The following SEC24C variants were observed in gnomAD, a reference collection of about 807,000 sequenced individuals.
SEC24C encodes the protein protein transport protein Sec24C.
Under a neutral mutation model 117.0 loss-of-function variants are expected in SEC24C, and 22 were observed. That is an observed-to-expected ratio of 0.19 (90% CI 0.13 to 0.27). The LOEUF is 0.27. Among genes scored for constraint, SEC24C ranks in the 10% least tolerant of loss-of-function variants. The pLI is 1.00. For synonymous variants in SEC24C, 506 were observed against 529.4 expected, an observed-to-expected ratio of 0.96 and a Z score of 0.61; for missense variants, 1,155 against 1,375.1, an observed-to-expected ratio of 0.84 and a Z score of 2.53.
In SEC24C at chr10:73,769,086, C is replaced by G. The variant is rs1244423018; in HGVS notation, c.2358C>G (p.Asp786Glu). 6.2e-7 allele frequency: 1 copy of G among 1,614,158 alleles called. No individual in the cohort carries two copies. The change falls in exon 17 of 23, where the codon GAC becomes GAG. Residue 786 changes from aspartate (D) to glutamate (E), a missense_variant. Asp to Glu is a conservative substitution (Grantham distance 45, BLOSUM62 2). Around this residue, in one of 2 missense-constraint regions of SEC24C, gnomAD observed 759 missense variants for 992.3 expected, o/e 0.76. Coordinates refer to ENST00000345254, the MANE Select transcript of SEC24C (RefSeq NM_198597.3). This position sits in a 1 kb window ranked among gnomAD's most constrained non-coding sequence, Gnocchi z 4.5. ...TGGAGCTGGCTGGGCTAGATGGGGA[C>G]AAAACAGTGACTGTGGAGTTCAAGC... ...TDVELAGLDGDKTVTVEFKHD... is the reference protein window; with the variant it reads ...TDVELAGLDGEKTVTVEFKHD...
At position 73,770,300 on chromosome 10, in the gene SEC24C, T is replaced by C. The variant is rs1258124303; in HGVS notation, c.2883T>C (p.Ser961=). Reference sequence around the variant, plus strand: ...TCTAGACAAAGTCTCCCGTTGAGAGTACTACCGAACCACCAGCAGTTCGAG... The same window carrying C: ...TCTAGACAAAGTCTCCCGTTGAGAGCACTACCGAACCACCAGCAGTTCGAG... ...LLPLTKSPVE[S]TTEPPAVRAS... is the part of the protein sequence containing the mutation. Residue 961 remains serine (S), a synonymous_variant, in exon 21 of 23, where the codon AGT becomes AGC. Transcript: ENST00000345254. 6.2e-7 allele frequency: 1 copy of C among 1,611,150 alleles called. No homozygotes were observed. Among genetic ancestry groups the C allele is most frequent in the Admixed American group, 1.7e-5 (1 of 59,402 alleles).
Position 73,766,031 on chromosome 10 carries a change from A to G in SEC24C, c.1483-55A>G, listed in dbSNP as rs577155814. 2.0e-5 allele frequency: 32 copies of G among 1,603,446 alleles called. No individual in the cohort carries two copies. In the African/African-American group the frequency reaches 4.2e-4, roughly 21 times the overall value. ...CCCTTTTTGATGCTGACTTCTCTAT[A>G]GTCAACTGGCCTGCTTACCATTCCC... On this transcript the variant is annotated intron_variant, in intron 10 of 22. Coordinates refer to ENST00000345254, the MANE Select transcript of SEC24C (RefSeq NM_198597.3).
At position 73,766,866 on chromosome 10, in the gene SEC24C, T is replaced by C. The variant is rs1589527372; in HGVS notation, c.1893+13T>C. ...GGAGGCTCTGAAGGTAAGGCTGGAG[T>C]ATCGGGCAACCTCCTCTAACTCCAT... On this transcript the variant is annotated intron_variant, in intron 13 of 22. Coordinates refer to ENST00000345254, the MANE Select transcript of SEC24C (RefSeq NM_198597.3). The C allele has an allele frequency of 6.2e-7, 1 of 1,609,720 alleles. No homozygotes were observed. The highest frequency in any genetic ancestry group is 1.3e-5 in the African/African-American group (1 of 74,918).
rs1423860637 is a variant in SEC24C at position 73,769,571 on chromosome 10, A to G, written c.2564-44A>G. 3 of 1,612,588 alleles carry G rather than the reference A, an allele frequency of 1.9e-6. No homozygotes were observed. Among genetic ancestry groups the G allele is most frequent in the East Asian group, 2.2e-5 (1 of 44,892 alleles). On this transcript the variant is annotated intron_variant, in intron 18 of 22. Coordinates refer to ENST00000345254, the MANE Select transcript of SEC24C (RefSeq NM_198597.3). This position sits in a 1 kb window ranked among gnomAD's most constrained non-coding sequence, Gnocchi z 4.5. ...TAGTTGTGATGGTGGGAATGCACAC[A>G]TGATGGGCAGCTGACCAGTGACTAT...
Position 73,769,596 on chromosome 10 carries a change from T to C in SEC24C, c.2564-19T>C, listed in dbSNP as rs1466336316. ...ATGATGGGCAGCTGACCAGTGACTA[T>C]CTTTGCTTTCCCATCCAGCATATCG... On this transcript the variant is annotated intron_variant, in intron 18 of 22. Transcript: ENST00000345254. This position sits in a 1 kb window ranked among gnomAD's most constrained non-coding sequence, Gnocchi z 4.5. The C allele has an allele frequency of 1.2e-6, 2 of 1,613,590 alleles. No individual in the cohort carries two copies. Among genetic ancestry groups the C allele is most frequent in the Non-Finnish European group, 1.7e-6 (2 of 1,179,708 alleles).
At chr10:73,762,017 G>A (rs892638844) in intron 6 of SEC24C, 1 of 968,392 alleles carries the variant, frequency 1.0e-6, no homozygotes, top group Admixed American at 2.3e-5. Context: ...CAACAGGGTT[G>A]AGAGAAGTAA....
intron 6 of SEC24C, among the ~76,000 whole-genome samples, chr10:73,761,124 T>A: frequency 6.6e-6 from 1 of 152,204 alleles, no homozygotes; most frequent in East Asian, 1.9e-4. Flanking sequence ...CTGTCACTAC[T>A]GTACATACAT....
At position 73,749,636 on chromosome 10, in the gene SEC24C, C is replaced by T. The variant is rs2082615913; in HGVS notation, c.173-1472C>T. Among the ~76,000 whole-genome samples, 5 of 151,734 alleles carry T rather than the reference C, an allele frequency of 3.3e-5. No individual in the cohort carries two copies. In the South Asian group the frequency reaches 1.0e-3, roughly 32 times the overall value. Reference sequence around the variant, plus strand: ...TTGGCTCATTGTAACCTCTGTCTCCCGGGTTCAAGCAGTTCTCCTGTCTCA... The same window carrying T: ...TTGGCTCATTGTAACCTCTGTCTCCTGGGTTCAAGCAGTTCTCCTGTCTCA... On this transcript the variant is annotated intron_variant, in intron 2 of 22. Transcript: ENST00000345254.
chr10:73,766,205 A>G lies in SEC24C; in HGVS notation c.1602A>G (p.Leu534=). Residue 534 remains leucine (L), a synonymous_variant, in exon 11 of 23, where the codon CTA becomes CTG. Coordinates refer to ENST00000345254, the MANE Select transcript of SEC24C (RefSeq NM_198597.3). The part of the protein sequence containing the change: ...CEELKSLLDF[L]PREGGAEESA... Reference sequence around the variant, plus strand: ...AGCTCAAGTCACTGTTAGACTTTCTACCTAGGTGAGAGTTACAGAACTGAG... The same window carrying G: ...AGCTCAAGTCACTGTTAGACTTTCTGCCTAGGTGAGAGTTACAGAACTGAG... The G allele has an allele frequency of 6.2e-7, 1 of 1,611,542 alleles. No individual in the cohort carries two copies.
intron 21 of SEC24C, 102 bp downstream of exon 21, chr10:73,770,573 A>T: frequency 6.6e-7 from 1 of 1,515,164 alleles, no homozygotes; most frequent in South Asian, 1.1e-5. Flanking sequence ...AATATCAGGG[A>T]ACACTTGGGG....
chr10:73,763,738 G>A, intron 7 of SEC24C, 118 bp from the exon 8 acceptor site: 3 of 1,080,108 alleles, frequency 2.8e-6, no homozygotes, highest in Non-Finnish European at 3.9e-6. Flanking sequence ...AGTCCCTCTG[G>A]GGGAAAAAGC....
chr10:73,772,100 T>C lies in SEC24C; in HGVS notation c.*1005T>C, dbSNP rs891295435. 4 of 411,872 alleles carry C rather than the reference T, an allele frequency of 9.7e-6. No homozygotes were observed. The highest frequency in any genetic ancestry group is 1.7e-5 in the Non-Finnish European group (4 of 234,154). 25.5% of individuals were successfully genotyped at this position (411,872 alleles called of 1,614,324 possible). A position where few individuals can be genotyped will look rare whatever the true frequency, so the allele number is the denominator to read the frequency against. On this transcript the variant is annotated 3_prime_UTR_variant, in exon 23 of 23. Transcript: ENST00000345254. ...CCTGCTCTGGACCTCTCATTTCTCT[T>C]CATTGGTTTATTTTTCAATGCATCT...
At chr10:73,750,628 T>C (rs1461693585) in intron 2 of SEC24C, among the ~76,000 whole-genome samples, 1 of 152,238 alleles carries the variant, frequency 6.6e-6, no homozygotes. Context: ...GTAAGCAGAA[T>C]GAATGAAGAA....
intron 3 of SEC24C, among the ~76,000 whole-genome samples, chr10:73,753,834 G>A (rs1033177711): frequency 3.9e-5 from 6 of 152,158 alleles, no homozygotes; most frequent in Non-Finnish European, 5.9e-5. Flanking sequence ...ATTTCCCACA[G>A]TTTGGACTCT....
Position 73,769,493 on chromosome 10 carries a change from T to C in SEC24C, c.2563+8T>C, listed in dbSNP as rs1162419302. 4 of 1,614,022 alleles carry C rather than the reference T, an allele frequency of 2.5e-6. No homozygotes were observed. The highest frequency in any genetic ancestry group is 1.7e-5 in the Admixed American group (1 of 60,000). On this transcript the variant is annotated splice_region_variant and intron_variant, in intron 18 of 22. Coordinates refer to ENST00000345254, the MANE Select transcript of SEC24C (RefSeq NM_198597.3). This position sits in a 1 kb window ranked among gnomAD's most constrained non-coding sequence, Gnocchi z 4.5. ...ACTACATGGCCAAGTTTGGTGAGGG[T>C]AGAAGCAGGGCAGGGTGGGATTGGG...
intron 3 of SEC24C, among the ~76,000 whole-genome samples, chr10:73,755,436 G>A (rs2082695829): frequency 1.3e-5 from 2 of 152,178 alleles, no homozygotes; most frequent in South Asian, 4.1e-4. Context: ...CCAGCACTTT[G>A]GGAGGCCGAG....
At chr10:73,760,957 G>A in intron 6 of SEC24C, 108 bp downstream of exon 6, 1 of 1,272,332 alleles carries the variant, frequency 7.9e-7, no homozygotes, top group Non-Finnish European at 1.1e-6. Context: ...TTCCCTTTTT[G>A]TTCATCTTCT....
intron 3 of SEC24C, among the ~76,000 whole-genome samples, chr10:73,759,345 G>A (rs2082759826): frequency 6.6e-6 from 1 of 152,226 alleles, no homozygotes. Flanking sequence ...TTGAAGCAGA[G>A]GAAGCAGTAA....
chr10:73,758,312 CA>C (rs759214636), intron 3 of SEC24C, among the ~76,000 whole-genome samples: 10 of 151,928 alleles, frequency 6.6e-5, no homozygotes, highest in Admixed American at 2.0e-4. Flanking sequence ...AAAAGGGGAG[CA>C]AAAGTTTGAG....
Sources: allele counts gnomAD v4.1 joint callset (sites outside exome capture counted in the v4.1 genomes callset), GRCh38; gene constraint gnomAD v4.1.1; regional missense constraint gnomAD v4.1.1; non-coding constraint Gnocchi (gnomAD v3.1); transcripts MANE v1.5; gene names NCBI Gene and HGNC (gene_info 2026-07-23, HGNC 2026-07-21).